CNTNAP2: variants seen among roughly 807,000 people sequenced by gnomAD.
CNTNAP2 encodes the protein contactin-associated protein-like 2.
In CNTNAP2, 98 loss-of-function variants were observed where a neutral mutation model predicts 155.2. The observed-to-expected ratio is 0.63, with a 90% CI of 0.54 to 0.75. CNTNAP2 has a LOEUF of 0.75. CNTNAP2 is among the 30% of genes least tolerant of loss of function. CNTNAP2 has a pLI of 0.00. For synonymous variants in CNTNAP2, 651 were observed against 631.2 expected, an observed-to-expected ratio of 1.03 and a Z score of -0.47; for missense variants, 1,727 against 1,688.1, an observed-to-expected ratio of 1.02 and a Z score of -0.40.
chr7:147,394,021 TG>T (rs1316166613), intron 9 of CNTNAP2, among the ~76,000 whole-genome samples: 1 of 152,052 alleles, frequency 6.6e-6, no homozygotes, highest in Non-Finnish European at 1.5e-5. Flanking sequence ...TGGTATGGTT[TG>T]GCTGTGTCTC....
chr7:147,897,378 T>C (rs1237310604), intron 13 of CNTNAP2, among the ~76,000 whole-genome samples: 1 of 152,218 alleles, frequency 6.6e-6, no homozygotes, highest in Non-Finnish European at 1.5e-5. Context: ...AAAGGAGTCA[T>C]CTGCTAGACA....
chr7:147,347,758 T>G (rs560112756), intron 9 of CNTNAP2, among the ~76,000 whole-genome samples: 1 of 152,078 alleles, frequency 6.6e-6, no homozygotes, highest in Admixed American at 6.6e-5. Flanking sequence ...GCCAGAGGCT[T>G]TGCGTTACCT....
chr7:146,999,024 G>T (rs1469316724), intron 3 of CNTNAP2, among the ~76,000 whole-genome samples: 1 of 151,414 alleles, frequency 6.6e-6, no homozygotes, highest in Non-Finnish European at 1.5e-5. Flanking sequence ...CTGTCTTTTT[G>T]TTACTTGTTT....
At chr7:146,395,737 C>T (rs974511715) in intron 1 of CNTNAP2, among the ~76,000 whole-genome samples, 12 of 147,056 alleles carry the variant, frequency 8.2e-5, no homozygotes, top group Admixed American at 1.4e-4. Flanking sequence ...CACGTAGGAG[C>T]AGAATATAAA....
intron 13 of CNTNAP2, among the ~76,000 whole-genome samples, chr7:147,657,961 A>AAGAT (rs1795549774): frequency 6.6e-6 from 1 of 152,152 alleles, no homozygotes; most frequent in Non-Finnish European, 1.5e-5. Flanking sequence ...GCTGTCTCTT[A>AAGAT]AGATAGCCGA....
intron 3 of CNTNAP2, among the ~76,000 whole-genome samples, chr7:146,855,950 A>C (rs1411633821): frequency 6.6e-6 from 1 of 151,092 alleles, no homozygotes. Flanking sequence ...GATAGACTTT[A>C]ATTATTAATA....
chr7:146,324,333 G>A (rs542235141), intron 1 of CNTNAP2, among the ~76,000 whole-genome samples: 10 of 152,124 alleles, frequency 6.6e-5, no homozygotes, highest in Non-Finnish European at 1.5e-4. Context: ...AACCTAAGTA[G>A]GGAGAGTTAT....
intron 12 of CNTNAP2, among the ~76,000 whole-genome samples, chr7:147,603,635 G>A (rs958481110): frequency 7.9e-5 from 12 of 152,266 alleles, no homozygotes; most frequent in African/African-American, 2.9e-4. Context: ...TCGTGAAAAT[G>A]GCCATACTGC....
intron 15 of CNTNAP2, among the ~76,000 whole-genome samples, chr7:148,076,207 G>A (rs552493733): frequency 6.6e-6 from 1 of 152,232 alleles, no homozygotes; most frequent in East Asian, 1.9e-4. Context: ...GTAGTTCTCA[G>A]GAGGGTGACT....
chr7:147,973,732 T>A (rs571704347), intron 14 of CNTNAP2, among the ~76,000 whole-genome samples: 1 of 152,326 alleles, frequency 6.6e-6, no homozygotes, highest in East Asian at 1.9e-4. Flanking sequence ...CATAGTGGTG[T>A]TTTGGCTTAT....
At chr7:146,144,726 A>G (rs6960649) in intron 1 of CNTNAP2, among the ~76,000 whole-genome samples, 3 of 152,206 alleles carry the variant, frequency 2.0e-5, no homozygotes, top group Non-Finnish European at 1.5e-5. Context: ...AAGTGTATTT[A>G]TCTCATTATT....
chr7:147,277,462 A>G (rs1804922116), intron 8 of CNTNAP2, among the ~76,000 whole-genome samples: 1 of 151,992 alleles, frequency 6.6e-6, no homozygotes, highest in South Asian at 2.1e-4. Context: ...AAATCACATA[A>G]TGAAACACCA....
chr7:148,025,493 C>A lies in CNTNAP2; in HGVS notation c.2383+47504C>A, dbSNP rs1281301576. Among the ~76,000 whole-genome samples the A allele has an allele frequency of 5.3e-5, 8 of 152,322 alleles. No homozygotes were observed. The East Asian group carries it at 1.5e-3, about 29-fold the overall frequency. On this transcript the variant is annotated intron_variant, in intron 15 of 23. Coordinates refer to ENST00000361727, the MANE Select transcript of CNTNAP2 (RefSeq NM_014141.6). ...TTACTATCTCTCATCCTTCTCTTGGCTGGCCCTGCAATAATTAAGTTCTTT... is the reference window on the plus strand; with the variant it reads ...TTACTATCTCTCATCCTTCTCTTGGATGGCCCTGCAATAATTAAGTTCTTT...
chr7:146,276,302 C>T (rs6464743), intron 1 of CNTNAP2, among the ~76,000 whole-genome samples: 3,843 of 152,212 alleles, frequency 0.025, 177 homozygotes, highest in African/African-American at 0.088. Context: ...ACAATGAAAA[C>T]TGATCATTTG....
rs146206159 is a variant in CNTNAP2 at position 148,415,523 on chromosome 7, G to A, written c.3903G>A (p.Ala1301=). ...ACCATACCAACGAAGCAAAGGGGGC[G>A]GAGTCGGCAGAGAGCGCGGACGCCG... The part of the protein sequence containing the change: ...GTYHTNEAKG[A]ESAESADAAI... The change falls in exon 24 of 24, where the codon GCG becomes GCA. Residue 1301 remains alanine, a synonymous_variant. Transcript: ENST00000361727. 8.7e-5 allele frequency: 141 copies of A among 1,614,202 alleles called. No homozygotes were observed. In the East Asian group the frequency reaches 1.0e-3, roughly 12 times the overall value.
intron 3 of CNTNAP2, among the ~76,000 whole-genome samples, chr7:146,955,627 A>G (rs1319041765): frequency 6.6e-6 from 1 of 152,026 alleles, no homozygotes; most frequent in African/African-American, 2.4e-5. Context: ...TTACAGAAGT[A>G]TACATTTTAA....
intron 1 of CNTNAP2, among the ~76,000 whole-genome samples, chr7:146,582,530 C>T (rs1051322961): frequency 9.9e-5 from 15 of 152,060 alleles, no homozygotes; most frequent in African/African-American, 2.4e-4. Context: ...TGATTTATAA[C>T]GCAAGCCCTG....
At chr7:146,198,283 T>C (rs182657926) in intron 1 of CNTNAP2, among the ~76,000 whole-genome samples, 95 of 152,312 alleles carry the variant, frequency 6.2e-4, no homozygotes, top group African/African-American at 2.2e-3. Context: ...CTCTGAGCAC[T>C]TTTCCCTAAA....
intron 3 of CNTNAP2, among the ~76,000 whole-genome samples, chr7:146,892,771 A>G (rs951391968): frequency 6.6e-6 from 1 of 152,292 alleles, no homozygotes; most frequent in African/African-American, 2.4e-5. Context: ...GTGAGACACT[A>G]TCTCAAAGAA....
Sources: gnomAD v4.1 joint callset for allele counts (sites outside exome capture counted in the v4.1 genomes callset) on GRCh38, gnomAD v4.1.1 for gene constraint, MANE v1.5 for transcripts, NCBI Gene and HGNC (gene_info 2026-07-23, HGNC 2026-07-21) for gene names.